The following ANK3 variants were observed in gnomAD, a reference collection of about 807,000 sequenced individuals.
ANK3 encodes the protein ankyrin-3.
In ANK3, 57 loss-of-function variants were observed where a neutral mutation model predicts 370.9. The ratio of observed to expected loss-of-function variants is 0.15; its 90% CI spans 0.12 to 0.19. The LOEUF is 0.19. Ranked by LOEUF, ANK3 falls within the 10% of genes least tolerant of loss-of-function variation. ANK3 has a pLI of 1.00. For missense variants in ANK3, 4,439 were observed against 5,302.1 expected (o/e 0.84, Z 5.06); for synonymous variants, 1,929 against 1,946.3 (o/e 0.99, Z 0.23).
At chr10:60,363,396 G>A (rs1325350706) in intron 1 of ANK3, among the ~76,000 whole-genome samples, 2 of 152,170 alleles carry the variant, frequency 1.3e-5, no homozygotes, top group Non-Finnish European at 2.9e-5. Context: ...TGTAGCTAAA[G>A]ACATTCCTAA....
At chr10:60,040,754 C>T (rs1380208314) in intron 43 of ANK3, among the ~76,000 whole-genome samples, 1 of 152,140 alleles carries the variant, frequency 6.6e-6, no homozygotes, top group Non-Finnish European at 1.5e-5. Context: ...TAGAAAATGG[C>T]TCAGCTGGTG....
At chr10:60,509,509 TATA>T (rs1269778390) in intron 2 of ANK3, among the ~76,000 whole-genome samples, 4 of 152,158 alleles carry the variant, frequency 2.6e-5, no homozygotes. Flanking sequence ...GTGGGATTCA[TATA>T]ATGTCTGTAT....
intron 11 of ANK3, among the ~76,000 whole-genome samples, chr10:60,205,536 G>A (rs1277056014): frequency 6.6e-6 from 1 of 152,142 alleles, no homozygotes; most frequent in Non-Finnish European, 1.5e-5. Flanking sequence ...TTTCTGTGAA[G>A]GTGCCCTTCC....
At chr10:60,031,030 C>T (rs1335372441) in intron 43 of ANK3, among the ~76,000 whole-genome samples, 1 of 152,142 alleles carries the variant, frequency 6.6e-6, no homozygotes, top group South Asian at 2.1e-4. Flanking sequence ...AAGTTTGGGA[C>T]TTCCATGAGC....
chr10:60,675,721 T>C (rs907004831), intron 1 of ANK3, among the ~76,000 whole-genome samples: 1 of 152,214 alleles, frequency 6.6e-6, no homozygotes, highest in Non-Finnish European at 1.5e-5. Context: ...ATGCCTAGAA[T>C]TGTACACTAA....
At chr10:60,349,197 T>G (rs1176969523) in intron 1 of ANK3, among the ~76,000 whole-genome samples, 8 of 152,238 alleles carry the variant, frequency 5.3e-5, no homozygotes, top group Admixed American at 6.5e-5. Flanking sequence ...GCTTTTCATT[T>G]GCTACTTGAA....
Position 60,068,622 on chromosome 10 carries a change from T to C in ANK3, c.12244+15A>G. On this transcript the variant is annotated intron_variant, in intron 37 of 43. Transcript: ENST00000280772. ...GAGCAGAGTGCTCGAGAGACCTGAC[T>C]GCCTTCATTCTCACCAGTCCTTCTA... is the stretch of plus-strand genomic sequence containing the variant. The C allele has an allele frequency of 1.3e-6, 2 of 1,581,462 alleles. No individual in the cohort carries two copies. The highest frequency in any genetic ancestry group is 1.7e-6 in the Non-Finnish European group (2 of 1,164,194).
At chr10:60,407,952 C>CTCCCAT (rs1381554329) in intron 2 of ANK3, among the ~76,000 whole-genome samples, 7 of 152,020 alleles carry the variant, frequency 4.6e-5, no homozygotes, top group Non-Finnish European at 5.9e-5. Context: ...CTGACTGTGT[C>CTCCCAT]TCCCATACTC....
intron 1 of ANK3, among the ~76,000 whole-genome samples, chr10:60,723,932 T>C (rs916578858): frequency 2.0e-4 from 31 of 151,848 alleles, no homozygotes; most frequent in African/African-American, 5.6e-4. Flanking sequence ...AAATGGAGGC[T>C]GGGCGCGGTG....
chr10:60,372,546 G>A (rs2060240811), intron 1 of ANK3, among the ~76,000 whole-genome samples: 1 of 152,158 alleles, frequency 6.6e-6, no homozygotes, highest in Admixed American at 6.5e-5. Flanking sequence ...CTCAAAATAA[G>A]AGAGCATGTT....
At chr10:60,585,015 T>C (rs1437983765) in intron 2 of ANK3, among the ~76,000 whole-genome samples, 1 of 152,158 alleles carries the variant, frequency 6.6e-6, no homozygotes, top group Non-Finnish European at 1.5e-5. Context: ...TTGGGTATCC[T>C]TCAAGATCTC....
At chr10:60,258,502 C>T (rs1326321079) in intron 7 of ANK3, among the ~76,000 whole-genome samples, 1 of 152,228 alleles carries the variant, frequency 6.6e-6, no homozygotes, top group Non-Finnish European at 1.5e-5. Context: ...ACATTCACCA[C>T]TGACTGGGAC....
intron 2 of ANK3, among the ~76,000 whole-genome samples, chr10:60,435,446 C>T (rs1470001659): frequency 5.3e-5 from 8 of 152,140 alleles, no homozygotes. Context: ...TCCTAATCAC[C>T]ATATAGACCT....
At chr10:60,228,561 A>G (rs569930335) in intron 8 of ANK3, among the ~76,000 whole-genome samples, 34 of 151,780 alleles carry the variant, frequency 2.2e-4, no homozygotes, top group Non-Finnish European at 3.4e-4. Context: ...GATTTCAAAC[A>G]TACAAAGGTG....
intron 27 of ANK3, among the ~76,000 whole-genome samples, chr10:60,107,392 C>A (rs2092299011): frequency 6.6e-6 from 1 of 152,104 alleles, no homozygotes; most frequent in Admixed American, 6.6e-5. Flanking sequence ...AGGAATGTGG[C>A]TTTATGTATG....
intron 1 of ANK3, among the ~76,000 whole-genome samples, chr10:60,314,871 A>G (rs1475051085): frequency 6.6e-6 from 1 of 152,252 alleles, no homozygotes; most frequent in Non-Finnish European, 1.5e-5. Context: ...ATAAACTATG[A>G]AGGGAAGATC....
At chr10:60,060,504 G>A (rs1223189499) in intron 40 of ANK3, 3 of 152,138 alleles carry the variant, frequency 2.0e-5, no homozygotes, top group African/African-American at 7.2e-5. Flanking sequence ...CTGTACATAT[G>A]AGCAAAGCAA....
chr10:60,365,386 G>A (rs1387072384), intron 1 of ANK3, among the ~76,000 whole-genome samples: 1 of 152,036 alleles, frequency 6.6e-6, no homozygotes, highest in East Asian at 1.9e-4. Flanking sequence ...CATTTTCCTT[G>A]AGCAGTTTTC....
chr10:60,397,903 C>T (rs1389794790), intron 2 of ANK3, among the ~76,000 whole-genome samples: 1 of 152,146 alleles, frequency 6.6e-6, no homozygotes, highest in Non-Finnish European at 1.5e-5. Context: ...TTCCCAATAT[C>T]TTTTAAAAAG....
Sources: allele counts gnomAD v4.1 joint callset (sites outside exome capture counted in the v4.1 genomes callset), GRCh38; gene constraint gnomAD v4.1.1; transcripts MANE v1.5; gene names NCBI Gene and HGNC (gene_info 2026-07-23, HGNC 2026-07-21).